The following TANGO2 variants were observed in gnomAD, a reference collection of about 807,000 sequenced individuals.
The protein encoded by TANGO2 is transport and golgi organization 2 homolog.
A neutral mutation model predicts 39.1 loss-of-function variants in TANGO2; 26 were observed. The observed-to-expected ratio is 0.67, with a 90% CI of 0.49 to 0.92. The LOEUF (loss-of-function observed/expected upper bound fraction) is 0.92. Among genes scored for constraint, TANGO2 ranks in the 40% least tolerant of loss-of-function variants. TANGO2 has a pLI of 0.00. For missense variants in TANGO2, 326 were observed against 360.1 expected (o/e 0.91, Z 0.77); for synonymous variants, 131 against 144.5 (o/e 0.91, Z 0.67).
chr22:20,021,577 G>A (rs1387519328), intron 1 of TANGO2, among the ~76,000 whole-genome samples: 1 of 152,198 alleles, frequency 6.6e-6, no homozygotes, highest in African/African-American at 2.4e-5. Flanking sequence ...GGCCTGCTGC[G>A]GGCCAGCAGG....
chr22:20,045,802 G>A lies in TANGO2; in HGVS notation c.145+2359G>A, dbSNP rs907079311. On this transcript the variant is annotated intron_variant, in intron 3 of 8. Transcript: ENST00000327374. ...AGAAGCATGAGCCATTGCACCCAGC[G>A]GCCATTACTTTTTCAAGTAGTTTTT... Among the ~76,000 whole-genome samples, 6 of 151,906 alleles carry A rather than the reference G, an allele frequency of 3.9e-5. No homozygotes were observed. The East Asian group carries it at 5.8e-4, about 15-fold the overall frequency.
chr22:20,061,478 C>G, intron 6 of TANGO2, 52 bp from the exon 7 acceptor site: 1 of 1,537,336 alleles, frequency 6.5e-7, no homozygotes, highest in Non-Finnish European at 8.8e-7. Context: ...GGCAATTTGC[C>G]CTGACATGGC....
intron 2 of TANGO2, among the ~76,000 whole-genome samples, chr22:20,038,603 C>T (rs369605948): frequency 1.3e-5 from 2 of 152,214 alleles, no homozygotes; most frequent in African/African-American, 2.4e-5. Context: ...TCCAGTTGGC[C>T]TCGGGATTTC....
rs1322475044 is a variant in TANGO2 at position 20,066,638 on chromosome 22, G to C, written c.*1976G>C. Among the ~76,000 whole-genome samples, 1 of 152,196 alleles carries C rather than the reference G, an allele frequency of 6.6e-6. No individual in the cohort carries two copies. The highest frequency in any genetic ancestry group is 1.5e-5 in the Non-Finnish European group (1 of 68,030). ...CAGGCTGCACCCCCAGGCCTGAGGA[G>C]AAACTGAGGCCCCACATCCCATACG... On this transcript the variant is annotated 3_prime_UTR_variant, in exon 9 of 9. Coordinates refer to ENST00000327374, the MANE Select transcript of TANGO2 (RefSeq NM_152906.7).
intron 1 of TANGO2, among the ~76,000 whole-genome samples, chr22:20,035,820 C>G (rs2042736941): frequency 6.6e-6 from 1 of 152,136 alleles, no homozygotes; most frequent in Non-Finnish European, 1.5e-5. Context: ...ATGTGGGGGA[C>G]AGTCTTGAAG....
At chr22:20,027,678 G>T (rs1019151499) in intron 1 of TANGO2, among the ~76,000 whole-genome samples, 3 of 152,038 alleles carry the variant, frequency 2.0e-5, no homozygotes, top group African/African-American at 7.2e-5. Context: ...TGCTATCATA[G>T]CTCACTGCAG....
intron 4 of TANGO2, chr22:20,053,212 A>G (rs2046719477): frequency 2.1e-6 from 1 of 481,422 alleles, no homozygotes; most frequent in African/African-American, 2.0e-5. Context: ...AGGAAGACAT[A>G]GTGGGGAAAT....
At chr22:20,037,339 G>A (rs920100077) in intron 2 of TANGO2, among the ~76,000 whole-genome samples, 2 of 152,106 alleles carry the variant, frequency 1.3e-5, no homozygotes, top group African/African-American at 4.8e-5. Flanking sequence ...TCAGGAAATC[G>A]AGGCCAGAAG....
intron 6 of TANGO2, among the ~76,000 whole-genome samples, chr22:20,059,388 CAT>C (rs1380718701): frequency 6.6e-6 from 1 of 152,186 alleles, no homozygotes; most frequent in African/African-American, 2.4e-5. Context: ...TTATGGCTCT[CAT>C]GTGAATACGT....
At chr22:20,061,907 C>A in intron 7 of TANGO2, 1 of 578,524 alleles carries the variant, frequency 1.7e-6, no homozygotes, top group African/African-American at 1.9e-5. Flanking sequence ...AGGCCCAGGC[C>A]CAGGCCCAGG....
At chr22:20,041,311 A>AG (rs2043878947) in intron 2 of TANGO2, among the ~76,000 whole-genome samples, 1 of 142,926 alleles carries the variant, frequency 7.0e-6, no homozygotes, top group Admixed American at 7.0e-5. Flanking sequence ...ACACCCGGCT[A>AG]ATTTTTTTTT....
At chr22:20,018,208 A>T (rs1302316930), upstream of TANGO2, among the ~76,000 whole-genome samples, 5 of 152,194 alleles carry the variant, frequency 3.3e-5, no homozygotes, top group African/African-American at 1.2e-4. Context: ...GGCAGCTACT[A>T]TCAATCGATT....
At chr22:20,028,264 A>C (rs1313694127) in intron 1 of TANGO2, among the ~76,000 whole-genome samples, 1 of 152,222 alleles carries the variant, frequency 6.6e-6, no homozygotes, top group Admixed American at 6.5e-5. Flanking sequence ...GGCATATGCC[A>C]CTGCACCTGG....
At chr22:20,063,289 G>C (rs768379292) in intron 7 of TANGO2, 49 bp from the exon 8 acceptor site, 1 of 1,575,146 alleles carries the variant, frequency 6.3e-7, no homozygotes, top group Non-Finnish European at 8.7e-7. Context: ...ACCCGGCTGC[G>C]GGCGGGCCAC....
chr22:20,052,441 TG>T (rs1171812816), intron 3 of TANGO2, 23 bp from the exon 4 acceptor site: 1 of 1,582,430 alleles, frequency 6.3e-7, no homozygotes, highest in South Asian at 1.2e-5. Context: ...GCATCAATGG[TG>T]GTAACACTGT....
In TANGO2 at chr22:20,064,719, G is replaced by A; in HGVS notation, c.*57G>A. The A allele has an allele frequency of 6.2e-7, 1 of 1,601,700 alleles. No individual in the cohort carries two copies. Among genetic ancestry groups the A allele is most frequent in the Non-Finnish European group, 8.5e-7 (1 of 1,174,056 alleles). ...GGGGGGCCCTGCCTTGAGGGGCACT[G>A]TGGACAGGAAACCTTCCTTTGCCAT... On this transcript the variant is annotated 3_prime_UTR_variant, in exon 9 of 9. Coordinates refer to ENST00000327374, the MANE Select transcript of TANGO2 (RefSeq NM_152906.7).
At chr22:20,038,352 G>A (rs1057385807) in intron 2 of TANGO2, among the ~76,000 whole-genome samples, 2 of 152,196 alleles carry the variant, frequency 1.3e-5, no homozygotes, top group African/African-American at 2.4e-5. Flanking sequence ...AAACTAGCAC[G>A]CTGAGGAGAG....
At chr22:20,036,393 T>C (rs1445225301) in intron 1 of TANGO2, among the ~76,000 whole-genome samples, 1 of 152,166 alleles carries the variant, frequency 6.6e-6, no homozygotes, top group Non-Finnish European at 1.5e-5. Flanking sequence ...TTCTTTAGAT[T>C]TGGATGGGTA....
chr22:20,052,359 A>T, intron 3 of TANGO2, 106 bp from the exon 4 acceptor site: 1 of 1,481,122 alleles, frequency 6.8e-7, no homozygotes, highest in Non-Finnish European at 9.1e-7. Flanking sequence ...GTCCTCGAGG[A>T]GCTTGAGGCA....
Sources: allele counts gnomAD v4.1 joint callset (sites outside exome capture counted in the v4.1 genomes callset), GRCh38; gene constraint gnomAD v4.1.1; transcripts MANE v1.5; gene names NCBI Gene and HGNC (gene_info 2026-07-23, HGNC 2026-07-21).